Variants in DOCK3 observed in about 807,000 individuals in gnomAD.
The protein encoded by DOCK3 is dedicator of cytokinesis 3.
DOCK3 carries 60 observed loss-of-function variants against 265.6 expected under a neutral mutation model. That is an observed-to-expected ratio of 0.23 (90% CI 0.18 to 0.28). The LOEUF is 0.28. DOCK3 is among the 10% of genes least tolerant of loss of function. The pLI, the probability that DOCK3 is intolerant of heterozygous loss-of-function variation, is 1.00. For missense variants in DOCK3, 1,981 were observed against 2,594.3 expected (o/e 0.76, Z 5.14); for synonymous variants, 881 against 938.0 (o/e 0.94, Z 1.11).
At chr3:51,306,375 C>T (rs2082691442) in intron 27 of DOCK3, among the ~76,000 whole-genome samples, 1 of 152,096 alleles carries the variant, frequency 6.6e-6, no homozygotes, top group African/African-American at 2.4e-5. Context: ...ACTTTTGATT[C>T]TAATGTGGCT....
chr3:51,074,784 C>G (rs1575978602), intron 6 of DOCK3, among the ~76,000 whole-genome samples: 1 of 152,186 alleles, frequency 6.6e-6, no homozygotes, highest in East Asian at 1.9e-4. Context: ...GGCACACGTT[C>G]ACCTGTGTAA....
intron 5 of DOCK3, among the ~76,000 whole-genome samples, chr3:51,055,290 T>C (rs1229474963): frequency 1.3e-5 from 2 of 152,322 alleles, no homozygotes; most frequent in East Asian, 1.9e-4. Context: ...ATAATACTTC[T>C]AGGCTTCAGA....
intron 5 of DOCK3, among the ~76,000 whole-genome samples, chr3:51,028,394 G>A (rs1421536980): frequency 6.6e-6 from 1 of 151,774 alleles, no homozygotes; most frequent in Non-Finnish European, 1.5e-5. Flanking sequence ...TCAGAATACT[G>A]TGTAACTTTG....
chr3:51,179,062 G>A (rs1056302417), intron 12 of DOCK3, among the ~76,000 whole-genome samples: 5 of 152,196 alleles, frequency 3.3e-5, no homozygotes, highest in African/African-American at 9.7e-5. Context: ...AAAGAGAGTA[G>A]TATTGATGTC....
chr3:50,894,473 T>G (rs2048798705), intron 4 of DOCK3, among the ~76,000 whole-genome samples: 1 of 151,922 alleles, frequency 6.6e-6, no homozygotes, highest in Non-Finnish European at 1.5e-5. Flanking sequence ...CTGAAAGGAG[T>G]TCTTTAAGTT....
intron 3 of DOCK3, among the ~76,000 whole-genome samples, chr3:50,874,041 TG>T (rs2047569609): frequency 2.0e-5 from 3 of 149,278 alleles, no homozygotes; most frequent in Admixed American, 1.4e-4. Context: ...TTCATGAAGG[TG>T]TTTTTTTTTT....
intron 4 of DOCK3, among the ~76,000 whole-genome samples, chr3:50,904,523 A>G (rs938216662): frequency 6.6e-6 from 1 of 152,094 alleles, no homozygotes; most frequent in Non-Finnish European, 1.5e-5. Flanking sequence ...GTGACAACGA[A>G]TATTTTTTCA....
At chr3:51,329,462 A>C (rs893256849) in intron 32 of DOCK3, among the ~76,000 whole-genome samples, 6 of 152,360 alleles carry the variant, frequency 3.9e-5, no homozygotes, top group Admixed American at 3.9e-4. Flanking sequence ...GTGACTGAGT[A>C]CTGCTGAATG....
chr3:50,808,836 C>T (rs1283656179), intron 2 of DOCK3, among the ~76,000 whole-genome samples: 2 of 152,166 alleles, frequency 1.3e-5, no homozygotes, highest in Non-Finnish European at 2.9e-5. Flanking sequence ...ATGCTCTTTA[C>T]AATAAGTGAT....
At chr3:50,874,036 G>A (rs1020355270) in intron 3 of DOCK3, among the ~76,000 whole-genome samples, 7 of 146,820 alleles carry the variant, frequency 4.8e-5, no homozygotes, top group African/African-American at 1.8e-4. Flanking sequence ...TGGTTTTCAT[G>A]AAGGTGTTTT....
intron 5 of DOCK3, among the ~76,000 whole-genome samples, chr3:50,979,982 C>T (rs755474530): frequency 1.5e-4 from 23 of 152,108 alleles, no homozygotes; most frequent in Non-Finnish European, 3.4e-4. Flanking sequence ...GCTAGGCTTT[C>T]TAGTACTGTG....
chr3:50,940,220 G>A (rs1341171560), intron 5 of DOCK3, among the ~76,000 whole-genome samples: 2 of 150,722 alleles, frequency 1.3e-5, no homozygotes, highest in Non-Finnish European at 2.9e-5. Flanking sequence ...GGGAGGCTGA[G>A]GCAGGAAGAC....
intron 37 of DOCK3, 63 bp downstream of exon 37, chr3:51,339,091 T>G (rs920827683): frequency 5.1e-6 from 7 of 1,378,710 alleles, no homozygotes; most frequent in African/African-American, 2.9e-5. Context: ...ATTTGTACAA[T>G]AGGCAGAGAA....
At chr3:50,976,914 T>C (rs1387796492) in intron 5 of DOCK3, among the ~76,000 whole-genome samples, 1 of 150,890 alleles carries the variant, frequency 6.6e-6, no homozygotes, top group African/African-American at 2.4e-5. Context: ...TCTTTGTCTC[T>C]TTTGATCTTT....
At chr3:51,338,785 C>A in intron 36 of DOCK3, 150 bp from the exon 37 acceptor site, 1 of 686,342 alleles carries the variant, frequency 1.5e-6, no homozygotes, top group South Asian at 1.7e-5. Context: ...GGTGTTCCTT[C>A]TGGCTGGTGC....
intron 4 of DOCK3, among the ~76,000 whole-genome samples, chr3:50,897,487 T>G (rs1301080558): frequency 6.6e-6 from 1 of 152,212 alleles, no homozygotes; most frequent in Non-Finnish European, 1.5e-5. Context: ...TTCTCTTGCC[T>G]GATTGCCCTT....
At chr3:51,150,973 A>C (rs2085558597) in intron 10 of DOCK3, among the ~76,000 whole-genome samples, 1 of 152,090 alleles carries the variant, frequency 6.6e-6, no homozygotes, top group African/African-American at 2.4e-5. Context: ...TGGGAGTCTA[A>C]GTCTCTTTGT....
At chr3:51,153,318 C>T (rs2085699149) in intron 10 of DOCK3, among the ~76,000 whole-genome samples, 1 of 152,198 alleles carries the variant, frequency 6.6e-6, no homozygotes, top group South Asian at 2.1e-4. Context: ...ATCCCAGGCA[C>T]AGGATGTAAT....
chr3:50,852,736 G>T (rs1308644718), intron 3 of DOCK3, among the ~76,000 whole-genome samples: 1 of 151,722 alleles, frequency 6.6e-6, no homozygotes, highest in Admixed American at 6.6e-5. Flanking sequence ...TGATTTTTTT[G>T]TGTATTATTT....
Sources: allele counts gnomAD v4.1 joint callset (sites outside exome capture counted in the v4.1 genomes callset), GRCh38; gene constraint gnomAD v4.1.1; transcripts MANE v1.5; gene names NCBI Gene and HGNC (gene_info 2026-07-23, HGNC 2026-07-21).